Variants in MCC observed in about 807,000 individuals in gnomAD.
MCC encodes the protein MCC regulator of Wnt signaling pathway.
In MCC, 90 loss-of-function variants were observed where a neutral mutation model predicts 116.2. The ratio of observed to expected loss-of-function variants is 0.77; its 90% confidence interval spans 0.65 to 0.92. The LOEUF (loss-of-function observed/expected upper bound fraction) is 0.92, where lower values mean the gene tolerates loss of function less well. Among genes scored for constraint, MCC ranks in the 40% least tolerant of loss-of-function variants. MCC has a pLI of 0.00. For synonymous variants in MCC, 578 were observed against 510.5 expected (o/e 1.13, Z -1.78); for missense variants, 1,516 against 1,312.2 (o/e 1.16, Z -2.40).
intron 1 of MCC, among the ~76,000 whole-genome samples, chr5:113,411,101 T>C (rs1167234062): frequency 1.3e-5 from 2 of 152,230 alleles, no homozygotes; most frequent in East Asian, 3.8e-4. Flanking sequence ...GCATGATTTA[T>C]CATCCTTTCG....
At chr5:113,394,460 C>T (rs1020053629) in intron 1 of MCC, among the ~76,000 whole-genome samples, 1 of 152,134 alleles carries the variant, frequency 6.6e-6, no homozygotes, top group African/African-American at 2.4e-5. Context: ...TAGCCAAGGC[C>T]CATCAGAGCA....
intron 3 of MCC, among the ~76,000 whole-genome samples, chr5:113,227,695 TAAGC>T (rs572849499): frequency 4.6e-5 from 7 of 152,230 alleles, no homozygotes; most frequent in African/African-American, 1.4e-4. Flanking sequence ...AAATTTTTCA[TAAGC>T]AAGATCCAAA....
At chr5:113,103,755 C>T (rs1006056528) in intron 7 of MCC, among the ~76,000 whole-genome samples, 1 of 152,182 alleles carries the variant, frequency 6.6e-6, no homozygotes, top group African/African-American at 2.4e-5. Flanking sequence ...TGAGTTTGTG[C>T]AGATGCAACA....
In MCC at chr5:113,143,256, G is replaced by A. The variant is rs564346301; in HGVS notation, c.846C>T (p.Leu282=). ...ITELHSVIAE[L]NKKIDRLQGT... ...CTTGCAGACGGTCTATCTTCTTGTTGAGCTCCGCAATGACGCTGTGGAGCT... is the reference window on the plus strand; with the variant it reads ...CTTGCAGACGGTCTATCTTCTTGTTAAGCTCCGCAATGACGCTGTGGAGCT... Residue 282 remains leucine (L), a synonymous_variant, in exon 5 of 19, where the codon CTC becomes CTT. Coordinates refer to ENST00000408903, the MANE Select transcript of MCC (RefSeq NM_001085377.2). 6.2e-6 allele frequency: 10 copies of A among 1,611,738 alleles called. No homozygotes were observed. The highest frequency in any genetic ancestry group is 1.7e-5 in the Admixed American group (1 of 59,452).
chr5:113,066,845 G>C (rs1190722383), intron 13 of MCC, among the ~76,000 whole-genome samples: 1 of 152,214 alleles, frequency 6.6e-6, no homozygotes, highest in Non-Finnish European at 1.5e-5. Flanking sequence ...CCACACATGG[G>C]AATGCCTGGC....
At chr5:113,367,034 C>G (rs1486859077) in intron 2 of MCC, among the ~76,000 whole-genome samples, 1 of 152,144 alleles carries the variant, frequency 6.6e-6, no homozygotes, top group East Asian at 1.9e-4. Context: ...AAATCATGGG[C>G]TCAAGATCCT....
intron 1 of MCC, among the ~76,000 whole-genome samples, chr5:113,443,995 G>A (rs935866159): frequency 1.3e-5 from 2 of 150,760 alleles, no homozygotes; most frequent in Non-Finnish European, 3.0e-5. Context: ...GCTAATTTGT[G>A]TGTGTGTGTG....
chr5:113,085,928 G>A lies in MCC; in HGVS notation c.1399-618C>T, dbSNP rs368972904. ...TCGTCTTGAACTCCTGCACTCAAGC[G>A]ATTCTCCCACCTCAGCCTCCCAAAG... On this transcript the variant is annotated intron_variant, in intron 8 of 18. Transcript: ENST00000408903. Among the ~76,000 whole-genome samples, 7 of 152,306 alleles carry A rather than the reference G, an allele frequency of 4.6e-5. No individual in the cohort carries two copies. In the East Asian group the frequency reaches 7.7e-4, roughly 17 times the overall value.
chr5:113,364,182 G>A (rs145828905), intron 2 of MCC, among the ~76,000 whole-genome samples: 2 of 131,182 alleles, frequency 1.5e-5, no homozygotes, highest in Non-Finnish European at 3.1e-5. Flanking sequence ...AGTGAGCTGA[G>A]ATTGCGTCAC....
intron 4 of MCC, among the ~76,000 whole-genome samples, chr5:113,147,410 G>C (rs777495574): frequency 6.6e-6 from 1 of 151,984 alleles, no homozygotes; most frequent in Non-Finnish European, 1.5e-5. Context: ...GTTCTTCACC[G>C]GGTTTTATCT....
intron 3 of MCC, among the ~76,000 whole-genome samples, chr5:113,220,487 T>A (rs1763510119): frequency 6.6e-6 from 1 of 152,204 alleles, no homozygotes; most frequent in Non-Finnish European, 1.5e-5. Context: ...TCCATTTATT[T>A]AGATCATTTC....
chr5:113,104,522 C>T (rs146578507), intron 6 of MCC, 167 bp from the exon 7 acceptor site: 12 of 480,604 alleles, frequency 2.5e-5, no homozygotes, highest in Non-Finnish European at 4.4e-5. Context: ...GACTTGGAGC[C>T]AATGCAAAGC....
intron 3 of MCC, among the ~76,000 whole-genome samples, chr5:113,239,456 C>T (rs1215444926): frequency 1.3e-5 from 2 of 152,202 alleles, no homozygotes; most frequent in African/African-American, 4.8e-5. Flanking sequence ...GTTTAGGCCC[C>T]TCTTAACCTG....
chr5:113,321,125 A>G (rs1581397673), intron 3 of MCC, among the ~76,000 whole-genome samples: 1 of 152,250 alleles, frequency 6.6e-6, no homozygotes, highest in African/African-American at 2.4e-5. Context: ...ATATAAAGGA[A>G]TGAAAACAGA....
chr5:113,038,128 C>A (rs1270605574), intron 17 of MCC, among the ~76,000 whole-genome samples: 1 of 152,066 alleles, frequency 6.6e-6, no homozygotes, highest in Non-Finnish European at 1.5e-5. Flanking sequence ...GGAGGGGAGA[C>A]TTACAAGTTA....
chr5:113,278,408 A>G (rs1765907784), intron 3 of MCC, among the ~76,000 whole-genome samples: 1 of 152,218 alleles, frequency 6.6e-6, no homozygotes, highest in African/African-American at 2.4e-5. Flanking sequence ...GTGGTACGAA[A>G]TACCAAGTCC....
chr5:113,331,481 G>A lies in MCC; in HGVS notation c.627+9038C>T, dbSNP rs182449681. 4.3e-4 allele frequency among the ~76,000 whole-genome samples: 66 copies of A among 151,768 alleles called. 5 individuals are homozygous for A. Among genetic ancestry groups the A allele is most frequent in the African/African-American group, 1.6e-3 (64 of 41,098 alleles). The stretch of plus-strand genomic sequence containing the variant: ...ACAGTCTTGGTTCTACTACTTTTGT[G>A]TGTCCTTAGGTGGATATTTTGATCT... On this transcript the variant is annotated intron_variant, in intron 3 of 18. Transcript: ENST00000408903.
intron 5 of MCC, among the ~76,000 whole-genome samples, chr5:113,127,434 C>T (rs774121009): frequency 3.3e-5 from 5 of 152,084 alleles, no homozygotes; most frequent in Non-Finnish European, 7.4e-5. Flanking sequence ...CATACTGTTT[C>T]CCACAATGAC....
chr5:113,463,718 G>A (rs899464098), intron 1 of MCC, among the ~76,000 whole-genome samples: 1 of 152,204 alleles, frequency 6.6e-6, no homozygotes, highest in Non-Finnish European at 1.5e-5. Context: ...ATGCAAGTCT[G>A]AGATGCAGAA....
Sources: gnomAD v4.1 joint callset for allele counts (sites outside exome capture counted in the v4.1 genomes callset) on GRCh38, gnomAD v4.1.1 for gene constraint, MANE v1.5 for transcripts, NCBI Gene and HGNC (gene_info 2026-07-23, HGNC 2026-07-21) for gene names.